The following DLGAP2 variants were observed in gnomAD, a reference collection of about 807,000 sequenced individuals.
DLGAP2 encodes the protein DLG associated protein 2, also known as disks large-associated protein 2.
DLGAP2 carries 26 observed loss-of-function variants against 100.3 expected under a neutral mutation model. That is an observed-to-expected ratio of 0.26 (90% CI 0.19 to 0.36). The LOEUF (loss-of-function observed/expected upper bound fraction) is 0.36. DLGAP2 is among the 10% of genes least tolerant of loss of function. DLGAP2 has a pLI of 1.00. For synonymous variants in DLGAP2, 886 were observed against 630.1 expected (o/e 1.41, Z -6.08); for missense variants, 1,858 against 1,453.2 (o/e 1.28, Z -4.53).
intron 3 of DLGAP2, among the ~76,000 whole-genome samples, chr8:1,367,184 G>C (rs1237277479): frequency 6.6e-6 from 1 of 152,110 alleles, no homozygotes; most frequent in African/African-American, 2.4e-5. Context: ...TCTTAGGAAT[G>C]GGGGGTTGGC....
intron 2 of DLGAP2, among the ~76,000 whole-genome samples, chr8:1,239,970 C>T (rs1409138222): frequency 6.8e-6 from 1 of 146,138 alleles, no homozygotes; most frequent in African/African-American, 2.6e-5. Context: ...CTCTCTCACA[C>T]ATAGCGTCTT....
chr8:1,571,018 A>T (rs1305384349), intron 6 of DLGAP2, among the ~76,000 whole-genome samples: 3 of 76,478 alleles, frequency 3.9e-5, no homozygotes, highest in Non-Finnish European at 7.1e-5. Context: ...GGTGAACTGG[A>T]GGGGCATCTT....
intron 3 of DLGAP2, among the ~76,000 whole-genome samples, chr8:1,271,293 C>G (rs904007873): frequency 2.0e-5 from 3 of 152,186 alleles, no homozygotes; most frequent in Admixed American, 2.0e-4. Context: ...TTCATGGCAT[C>G]TGGACTCCTC....
chr8:1,430,622 C>G (rs1382770287), intron 3 of DLGAP2, among the ~76,000 whole-genome samples: 1 of 152,208 alleles, frequency 6.6e-6, no homozygotes, highest in African/African-American at 2.4e-5. Context: ...ACACAGTTGC[C>G]TATGACTGCT....
At chr8:874,981 T>G (rs1213174877) in intron 1 of DLGAP2, among the ~76,000 whole-genome samples, 1 of 152,236 alleles carries the variant, frequency 6.6e-6, no homozygotes, top group Non-Finnish European at 1.5e-5. Flanking sequence ...TGATGGGTTG[T>G]CTCTTTTATA....
At chr8:1,502,658 G>T (rs955227651) in intron 4 of DLGAP2, among the ~76,000 whole-genome samples, 1 of 152,168 alleles carries the variant, frequency 6.6e-6, no homozygotes, top group Non-Finnish European at 1.5e-5. Flanking sequence ...TTAAACCTCA[G>T]TCTGGCAATA....
intron 3 of DLGAP2, among the ~76,000 whole-genome samples, chr8:1,500,541 C>T (rs944557252): frequency 6.6e-6 from 1 of 152,270 alleles, no homozygotes; most frequent in African/African-American, 2.4e-5. Flanking sequence ...CCTGGAGAGT[C>T]GGCACCTGGT....
At chr8:1,013,364 G>A (rs1563144000) in intron 2 of DLGAP2, among the ~76,000 whole-genome samples, 1 of 152,202 alleles carries the variant, frequency 6.6e-6, no homozygotes. Context: ...GACAAGAGGA[G>A]AGGGGAGAGC....
intron 2 of DLGAP2, among the ~76,000 whole-genome samples, chr8:977,389 G>A (rs186527883): frequency 3.5e-4 from 53 of 152,308 alleles, no homozygotes; most frequent in African/African-American, 1.3e-3. Context: ...GCAAATGAGT[G>A]GATTAGTTTC....
chr8:1,527,791 C>T lies in DLGAP2; in HGVS notation c.173-20835C>T, dbSNP rs545760220. Among the ~76,000 whole-genome samples the T allele has an allele frequency of 6.5e-4, 99 of 152,186 alleles. No individual in the cohort carries two copies. The Middle Eastern group carries it at 0.01, about 16-fold the overall frequency. ...ACCCCCCTCAGGGGGACACAGTGCA[C>T]GCGTTTAGCATCTCCCAGGACATGT... On this transcript the variant is annotated intron_variant, in intron 4 of 14. Transcript: ENST00000637795.
intron 2 of DLGAP2, among the ~76,000 whole-genome samples, chr8:1,231,386 G>A (rs772298439): frequency 2.6e-5 from 4 of 152,200 alleles, no homozygotes; most frequent in African/African-American, 7.2e-5. Flanking sequence ...TATCCTGTTT[G>A]TGGGAATGTA....
intron 1 of DLGAP2, among the ~76,000 whole-genome samples, chr8:899,901 G>T (rs939209242): frequency 2.0e-5 from 3 of 152,220 alleles, no homozygotes; most frequent in African/African-American, 7.2e-5. Flanking sequence ...GTGAGACTGT[G>T]GGACGCCCCG....
At chr8:1,581,425 C>T (rs1450413618) in intron 6 of DLGAP2, among the ~76,000 whole-genome samples, 2 of 151,778 alleles carry the variant, frequency 1.3e-5, no homozygotes, top group East Asian at 1.9e-4. Context: ...CACATATACA[C>T]ACCACAGTCA....
intron 3 of DLGAP2, among the ~76,000 whole-genome samples, chr8:1,355,383 G>A (rs1419644005): frequency 1.3e-5 from 2 of 150,964 alleles, no homozygotes; most frequent in African/African-American, 4.9e-5. Context: ...GTTTTTGTTT[G>A]AGATGGAGTC....
chr8:825,847 C>T (rs1028697712), intron 1 of DLGAP2, among the ~76,000 whole-genome samples: 3 of 152,168 alleles, frequency 2.0e-5, no homozygotes, highest in Non-Finnish European at 4.4e-5. Context: ...GTGTTATACA[C>T]AATCAATTAT....
intron 2 of DLGAP2, among the ~76,000 whole-genome samples, chr8:1,207,635 G>GTC (rs1798023400): frequency 6.6e-6 from 1 of 152,150 alleles, no homozygotes; most frequent in Non-Finnish European, 1.5e-5. Context: ...TCTTTAAGGA[G>GTC]TCTCCACACT....
chr8:1,360,898 C>T (rs1276986094), intron 3 of DLGAP2, among the ~76,000 whole-genome samples: 1 of 152,214 alleles, frequency 6.6e-6, no homozygotes, highest in African/African-American at 2.4e-5. Flanking sequence ...CCACCGGACA[C>T]GTGAACACGG....
intron 2 of DLGAP2, among the ~76,000 whole-genome samples, chr8:921,142 A>C (rs941504468): frequency 1.3e-5 from 2 of 151,846 alleles, no homozygotes; most frequent in African/African-American, 4.8e-5. Context: ...GCGAGATTTC[A>C]TCTCAGGCCC....
chr8:1,376,408 C>A (rs902997875), intron 3 of DLGAP2, among the ~76,000 whole-genome samples: 1 of 152,232 alleles, frequency 6.6e-6, no homozygotes, highest in African/African-American at 2.4e-5. Flanking sequence ...AAAAGCGCCC[C>A]GCTGCATGGC....
Sources: gnomAD v4.1 joint callset for allele counts (sites outside exome capture counted in the v4.1 genomes callset) on GRCh38, gnomAD v4.1.1 for gene constraint, MANE v1.5 for transcripts, NCBI Gene and HGNC (gene_info 2026-07-23, HGNC 2026-07-21) for gene names.